The following WEE2 variants were observed in gnomAD, a reference collection of about 807,000 sequenced individuals.
The protein encoded by WEE2 is wee1-like protein kinase 2.
WEE2 carries 50 observed loss-of-function variants against 60.1 expected under a neutral mutation model. The observed-to-expected ratio is 0.83, with a 90% confidence interval of 0.66 to 1.05. The LOEUF is 1.05. Among genes scored for constraint, WEE2 ranks in the 50% least tolerant of loss-of-function variants. The pLI is 0.00. For synonymous variants in WEE2, 240 were observed against 241.0 expected (o/e 1.00, Z 0.04); for missense variants, 631 against 684.3 (o/e 0.92, Z 0.87).
At chr7:141,720,906 T>C in intron 4 of WEE2, 29 bp from the exon 5 acceptor site, 1 of 1,601,882 alleles carries the variant, frequency 6.2e-7, no homozygotes, top group Non-Finnish European at 8.5e-7. Context: ...ATTGATGTTT[T>C]TATTCCTCAA....
At chr7:141,724,139 T>C in intron 7 of WEE2, 51 bp from the exon 8 acceptor site, 1 of 1,586,780 alleles carries the variant, frequency 6.3e-7, no homozygotes, top group Non-Finnish European at 8.6e-7. Flanking sequence ...AGACATGCTT[T>C]TAAAGCTCTT....
At position 141,725,128 on chromosome 7, in the gene WEE2, C is replaced by A; in HGVS notation, c.1324C>A (p.His442Asn). Residue 442 changes from histidine to asparagine, a missense_variant, in exon 9 of 12, where the codon CAT becomes AAT. By Grantham distance (68) the His-to-Asn change is moderately conservative (BLOSUM62 1). Transcript: ENST00000397541. ...GCCCACCAATGGTGCTGCATGGCAC[C>A]ATATCCGCAAGGGTAACTTTCCGGA... Reference protein sequence around the residue: ...SLPTNGAAWHHIRKGNFPDVP... With the variant: ...SLPTNGAAWHNIRKGNFPDVP... 1 of 1,614,180 alleles carries A rather than the reference C, an allele frequency of 6.2e-7. No homozygotes were observed. Among genetic ancestry groups the A allele is most frequent in the South Asian group, 1.1e-5 (1 of 91,080 alleles).
chr7:141,723,166 A>G lies in WEE2; in HGVS notation c.913A>G (p.Thr305Ala). The G allele has an allele frequency of 6.2e-7, 1 of 1,614,212 alleles. No homozygotes were observed. Among genetic ancestry groups the G allele is most frequent in the Non-Finnish European group, 8.5e-7 (1 of 1,180,024 alleles). ...GSLQAAISEN[T>A]KSGNHFEEPK... is the part of the protein sequence containing the mutation. ...TTTGCAAGCTGCTATATCTGAAAAC[A>G]CTAAGTCTGGCAATCATTTTGAAGA... Residue 305 changes from threonine to alanine, a missense_variant, in exon 6 of 12, where the codon ACT (threonine) becomes GCT (alanine). By Grantham distance (58) the Thr-to-Ala change is moderately conservative (BLOSUM62 0). Transcript: ENST00000397541.
chr7:141,716,202 CTTTT>C lies in WEE2; in HGVS notation c.540-14_540-11del. 6.3e-7 allele frequency: 1 copy of C among 1,596,594 alleles called. No individual in the cohort carries two copies. The highest frequency in any genetic ancestry group is 8.6e-7 in the Non-Finnish European group (1 of 1,168,420). On this transcript the variant is annotated splice_polypyrimidine_tract_variant and intron_variant, in intron 2 of 11. Coordinates refer to ENST00000397541, the MANE Select transcript of WEE2 (RefSeq NM_001105558.1). ...TAAATATTAATTATATATTGATAAACTTTTTTTTTCTTTTTTAAGTGAGGAAGCT... is the reference window on the plus strand; with the variant it reads ...TAAATATTAATTATATATTGATAAACTTTTTCTTTTTTAAGTGAGGAAGCT...
chr7:141,724,097 A>G (rs749138708), intron 7 of WEE2, 49 bp downstream of exon 7: 2 of 1,572,106 alleles, frequency 1.3e-6, no homozygotes, highest in Non-Finnish European at 1.7e-6. Flanking sequence ...TATAAAATTT[A>G]TAGTGATGAC....
chr7:141,720,941 G>A lies in WEE2; in HGVS notation c.765G>A (p.Ser255=), dbSNP rs765423807. ...ATGCTTTTCTGTCTCATAGGAATTC[G>A]GCTTTGCATGAAGTTTATGCTCACG... The part of the protein sequence containing the change: ...KTFTELSNEN[S]ALHEVYAHAV... The change falls in exon 5 of 12, where the codon TCG becomes TCA. Residue 255 remains serine (S), a synonymous_variant. Transcript: ENST00000397541. 10 of 1,611,628 alleles carry A rather than the reference G, an allele frequency of 6.2e-6. No homozygotes were observed. The Middle Eastern group carries it at 4.9e-4, about 80-fold the overall frequency.
intron 5 of WEE2, among the ~76,000 whole-genome samples, chr7:141,722,103 C>T (rs1798923313): frequency 6.6e-6 from 1 of 152,054 alleles, no homozygotes; most frequent in African/African-American, 2.4e-5. Context: ...TGCCAATGAA[C>T]ACTAATTAAT....
chr7:141,719,209 G>C lies in WEE2; in HGVS notation c.723G>C (p.Lys241Asn). The change falls in exon 4 of 12, where the codon AAG becomes AAC. Residue 241 changes from lysine to asparagine, a missense_variant. By Grantham distance (94) the Lys-to-Asn change is moderately conservative. Transcript: ENST00000397541. ...TGGATGGATGTGTTTATGCAATAAAGCGCTCTATGAAAACTTTTACAGAAT... is the reference window on the plus strand; with the variant it reads ...TGGATGGATGTGTTTATGCAATAAACCGCTCTATGAAAACTTTTACAGAAT... Reference protein sequence around the residue: ...KRLDGCVYAIKRSMKTFTELS... With the variant: ...KRLDGCVYAINRSMKTFTELS... 1 of 1,611,898 alleles carries C rather than the reference G, an allele frequency of 6.2e-7. No homozygotes were observed.
chr7:141,713,626 G>C (rs759686701), intron 1 of WEE2, among the ~76,000 whole-genome samples: 1 of 152,140 alleles, frequency 6.6e-6, no homozygotes, highest in Non-Finnish European at 1.5e-5. Context: ...TTTATTTTAA[G>C]TGAAATTAAA....
chr7:141,724,957 CA>C, intron 8 of WEE2, 68 bp from the exon 9 acceptor site: 1 of 1,529,044 alleles, frequency 6.5e-7, no homozygotes, highest in Non-Finnish European at 8.9e-7. Flanking sequence ...CCTTTCCTAC[CA>C]GTTATATTTT....
chr7:141,730,264 C>G, intron 11 of WEE2, 31 bp from the exon 12 acceptor site: 2 of 1,610,568 alleles, frequency 1.2e-6, no homozygotes, highest in Admixed American at 1.7e-5. Context: ...TGATCAATAA[C>G]TTATTTACTT....
At chr7:141,716,835 T>C (rs1399241782) in intron 3 of WEE2, among the ~76,000 whole-genome samples, 1 of 152,216 alleles carries the variant, frequency 6.6e-6, no homozygotes, top group Non-Finnish European at 1.5e-5. Flanking sequence ...GAGATTTATA[T>C]GTAAAATTTT....
intron 2 of WEE2, among the ~76,000 whole-genome samples, chr7:141,715,493 T>G (rs2117107222): frequency 6.6e-6 from 1 of 152,386 alleles, no homozygotes; most frequent in African/African-American, 2.4e-5. Flanking sequence ...ATTTGCCATT[T>G]CTACCTTGTG....
At chr7:141,726,892 G>A (rs1490846999) in intron 9 of WEE2, among the ~76,000 whole-genome samples, 1 of 152,158 alleles carries the variant, frequency 6.6e-6, no homozygotes, top group African/African-American at 2.4e-5. Flanking sequence ...CAGGAATACT[G>A]TCATGTTGGG....
rs1798667556 is a variant in WEE2, at chr7:141,708,982, A to G, written c.224A>G (p.Glu75Gly). ...ELDTSSEKDK[E>G]SPDQILRTPV... is the part of the protein sequence containing the mutation. ...GACACATCTTCGGAAAAAGACAAAG[A>G]AAGTCCAGATCAGATTTTGAGGACT... The change falls in exon 1 of 12, where the codon GAA becomes GGA. Residue 75 changes from glutamate to glycine, a missense_variant. Glu to Gly is a moderately conservative substitution (Grantham distance 98, BLOSUM62 -2). Coordinates refer to ENST00000397541, the MANE Select transcript of WEE2 (RefSeq NM_001105558.1). 1.2e-6 allele frequency: 2 copies of G among 1,614,126 alleles called. No homozygotes were observed. The highest frequency in any genetic ancestry group is 1.1e-5 in the South Asian group (1 of 91,084).
At chr7:141,723,085 C>T in intron 5 of WEE2, 49 bp from the exon 6 acceptor site, 1 of 1,604,738 alleles carries the variant, frequency 6.2e-7, no homozygotes, top group Non-Finnish European at 8.5e-7. Context: ...ACTATGCTTT[C>T]ATCTATAAGA....
chr7:141,716,330 T>C, intron 3 of WEE2, 63 bp downstream of exon 3: 2 of 1,497,586 alleles, frequency 1.3e-6, no homozygotes, highest in East Asian at 2.3e-5. Flanking sequence ...CTTTCTCTTC[T>C]TCCCCTCCCC....
intron 11 of WEE2, among the ~76,000 whole-genome samples, 187 bp downstream of exon 11, chr7:141,729,860 C>T (rs1005594385): frequency 2.3e-4 from 35 of 152,058 alleles, no homozygotes; most frequent in South Asian, 6.3e-4. Context: ...AGGTGGCAGG[C>T]GCCTATAATC....
intron 10 of WEE2, among the ~76,000 whole-genome samples, chr7:141,729,185 T>C (rs1177204245): frequency 1.3e-5 from 2 of 152,252 alleles, no homozygotes; most frequent in Non-Finnish European, 2.9e-5. Context: ...TATTTATAAA[T>C]ACAGGTGATA....
Sources: allele counts gnomAD v4.1 joint callset (sites outside exome capture counted in the v4.1 genomes callset), GRCh38; gene constraint gnomAD v4.1.1; transcripts MANE v1.5; gene names NCBI Gene and HGNC (gene_info 2026-07-23, HGNC 2026-07-21).